FBXW10: variants seen among roughly 807,000 people sequenced by gnomAD.
The protein encoded by FBXW10 is F-box/WD repeat-containing protein 10.
Under a neutral mutation model 113.1 loss-of-function variants are expected in FBXW10, and 68 were observed. The observed-to-expected ratio is 0.60, with a 90% CI of 0.49 to 0.74. The LOEUF (loss-of-function observed/expected upper bound fraction) is 0.74, where lower values mean the gene tolerates loss of function less well. Ranked by LOEUF, FBXW10 falls within the 30% of genes least tolerant of loss-of-function variation. FBXW10 has a pLI of 0.00. For missense variants in FBXW10, 753 were observed against 1,284.5 expected (o/e 0.59, Z 6.32); for synonymous variants, 289 against 481.6 (o/e 0.60, Z 5.24).
chr17:18,751,139 G>C (rs1396500382), intron 5 of FBXW10, 86 bp downstream of exon 5: 1 of 1,568,322 alleles, frequency 6.4e-7, no homozygotes, highest in Non-Finnish European at 8.7e-7. Flanking sequence ...CTCAGCCCTG[G>C]AGTGAGGACA....
At chr17:18,764,971 T>TCATCCATC in intron 8 of FBXW10, 108 bp downstream of exon 8, 2 of 1,605,928 alleles carry the variant, frequency 1.2e-6, no homozygotes, top group Non-Finnish European at 8.5e-7. Flanking sequence ...TTATTCTTTA[T>TCATCCATC]CATCCATCCA....
chr17:18,769,280 CA>C (rs2035563340), intron 10 of FBXW10, among the ~76,000 whole-genome samples: 1 of 152,080 alleles, frequency 6.6e-6, no homozygotes, highest in Non-Finnish European at 1.5e-5. Flanking sequence ...TAATTCTCAG[CA>C]TGACTATTGT....
chr17:18,772,677 T>C lies in FBXW10; in HGVS notation c.2272T>C (p.Ser758Pro), dbSNP rs750025167. Residue 758 changes from serine (S) to proline (P), a missense_variant, in exon 12 of 14, where the codon TCT becomes CCT. By Grantham distance (74) the Ser-to-Pro change is moderately conservative. Transcript: ENST00000395665. Reference sequence around the variant, plus strand: ...AGTACTCCTGAAGCCGGCCAAGTTCTCTTCAGGTAAAAAACTGAAATACCA... The same window carrying C: ...AGTACTCCTGAAGCCGGCCAAGTTCCCTTCAGGTAAAAAACTGAAATACCA... The part of the protein sequence containing the change: ...SRVLLKPAKF[S>P]SAVLIEELQS... 2.5e-6 allele frequency: 4 copies of C among 1,607,416 alleles called. No homozygotes were observed. In the African/African-American group the frequency reaches 5.4e-5, roughly 22 times the overall value.
At chr17:18,753,709 C>T (rs1052952325) in intron 5 of FBXW10, among the ~76,000 whole-genome samples, 2 of 151,944 alleles carry the variant, frequency 1.3e-5, no homozygotes, top group Admixed American at 6.6e-5. Flanking sequence ...CTTGTCTCTA[C>T]TAAAAATATA....
At chr17:18,775,763 C>A (rs778138114) in intron 13 of FBXW10, among the ~76,000 whole-genome samples, 1 of 152,170 alleles carries the variant, frequency 6.6e-6, no homozygotes, top group Non-Finnish European at 1.5e-5. Context: ...CATAGTGGCT[C>A]ATGCCTGTAA....
In FBXW10 at chr17:18,766,649, T is replaced by G. The variant is rs942504907; in HGVS notation, c.1556-65T>G. ...TCTGTGATGGGGAGCAGAACTCCACTGTAACCTTTCCTTTTCCCCCTTTTT... is the reference window on the plus strand; with the variant it reads ...TCTGTGATGGGGAGCAGAACTCCACGGTAACCTTTCCTTTTCCCCCTTTTT... On this transcript the variant is annotated intron_variant, in intron 8 of 13. Transcript: ENST00000395665. 10 of 1,561,340 alleles carry G rather than the reference T, an allele frequency of 6.4e-6. No individual in the cohort carries two copies. The African/African-American group carries it at 1.2e-4, about 19-fold the overall frequency.
intron 9 of FBXW10, among the ~76,000 whole-genome samples, chr17:18,767,257 G>A (rs2035515389): frequency 6.6e-6 from 1 of 151,996 alleles, no homozygotes; most frequent in African/African-American, 2.4e-5. Context: ...CGGATCATGA[G>A]GTCAGGAGTT....
chr17:18,748,004 C>A lies in FBXW10; in HGVS notation c.569C>A (p.Ala190Glu), dbSNP rs931287502. 2 of 1,613,750 alleles carry A rather than the reference C, an allele frequency of 1.2e-6. No individual in the cohort carries two copies. The change falls in exon 2 of 14, where the codon GCG (alanine) becomes GAG (glutamate). Residue 190 changes from alanine (A) to glutamate (E), a missense_variant. Transcript: ENST00000395665. ...GAGAAAGACCACAGCTCCAAGTCTG[C>A]GACCTCACAAGTCTATTGGACAGCC... Reference protein sequence around the residue: ...SPEKDHSSKSATSQVYWTAKT... With the variant: ...SPEKDHSSKSETSQVYWTAKT...
intron 7 of FBXW10, among the ~76,000 whole-genome samples, chr17:18,764,241 T>A (rs1226872062): frequency 6.6e-6 from 1 of 150,774 alleles, no homozygotes. Context: ...CTCGCTCTAT[T>A]GGCAGGCTGG....
intron 5 of FBXW10, among the ~76,000 whole-genome samples, chr17:18,752,219 A>G (rs2035184715): frequency 6.6e-6 from 1 of 151,902 alleles, no homozygotes; most frequent in Non-Finnish European, 1.5e-5. Context: ...CATGGACTGG[A>G]CAGTTCACCT....
chr17:18,759,211 C>A (rs942138846), intron 7 of FBXW10, among the ~76,000 whole-genome samples: 2 of 152,040 alleles, frequency 1.3e-5, no homozygotes, highest in African/African-American at 4.8e-5. Context: ...ATATAACAAA[C>A]ACTCATGCAT....
intron 13 of FBXW10, among the ~76,000 whole-genome samples, chr17:18,776,196 C>T (rs2039789340): frequency 6.6e-6 from 1 of 151,840 alleles, no homozygotes; most frequent in African/African-American, 2.4e-5. Context: ...TGGCATGTGC[C>T]TGTAATCCCA....
At chr17:18,746,944 C>A (rs2035049685) in intron 1 of FBXW10, among the ~76,000 whole-genome samples, 2 of 136,086 alleles carry the variant, frequency 1.5e-5, no homozygotes. Context: ...TTTTTTGAGA[C>A]AGAGTCTCAC....
intron 13 of FBXW10, among the ~76,000 whole-genome samples, chr17:18,776,485 C>T (rs981193203): frequency 3.3e-5 from 5 of 152,046 alleles, no homozygotes; most frequent in African/African-American, 9.7e-5. Context: ...TTGAAGTTGA[C>T]GGGAAAACAA....
At chr17:18,754,779 G>A (rs539659207) in intron 5 of FBXW10, among the ~76,000 whole-genome samples, 265 of 152,284 alleles carry the variant, frequency 1.7e-3, no homozygotes, top group African/African-American at 6.1e-3. Flanking sequence ...CAGGCAGGCA[G>A]GAAGGAAATA....
chr17:18,775,327 ACT>A, intron 13 of FBXW10, 135 bp downstream of exon 13: 1 of 633,436 alleles, frequency 1.6e-6, no homozygotes, highest in Admixed American at 2.6e-5. Context: ...CAAGATCCAA[ACT>A]CTTTCTCTCA....
intron 11 of FBXW10, 101 bp from the exon 12 acceptor site, chr17:18,772,311 C>T (rs2035630025): frequency 2.6e-6 from 3 of 1,148,244 alleles, no homozygotes; most frequent in South Asian, 1.5e-5. Flanking sequence ...CACCTGGGCA[C>T]TGTTCCTTTA....
chr17:18,762,783 C>T (rs1365138726), intron 7 of FBXW10, among the ~76,000 whole-genome samples: 1 of 151,616 alleles, frequency 6.6e-6, no homozygotes, highest in Non-Finnish European at 1.5e-5. Flanking sequence ...AGTTTCTCCA[C>T]TGAGCATAAT....
At chr17:18,775,240 G>C (rs1249808663) in intron 13 of FBXW10, 48 bp downstream of exon 13, 3 of 1,258,014 alleles carry the variant, frequency 2.4e-6, no homozygotes, top group Middle Eastern at 1.9e-4. Flanking sequence ...TGGCACGGAT[G>C]GTGGGCAGGA....
Sources: gnomAD v4.1 joint callset for allele counts (sites outside exome capture counted in the v4.1 genomes callset) on GRCh38, gnomAD v4.1.1 for gene constraint, MANE v1.5 for transcripts, NCBI Gene and HGNC (gene_info 2026-07-23, HGNC 2026-07-21) for gene names.